MN1: variants seen among roughly 807,000 people sequenced by gnomAD.
The protein encoded by MN1 is MN1 proto-oncogene, transcriptional regulator, also known as transcriptional activator MN1.
A neutral mutation model predicts 86.9 loss-of-function variants in MN1; 19 were observed. The observed-to-expected ratio is 0.22, with a 90% CI of 0.15 to 0.32. The LOEUF is 0.32. Ranked by LOEUF, MN1 falls within the 10% of genes least tolerant of loss-of-function variation. The pLI is 1.00. For missense variants in MN1, 1,841 were observed against 1,862.0 expected (o/e 0.99, Z 0.21); for synonymous variants, 928 against 849.6 (o/e 1.09, Z -1.60).
Position 27,798,228 on chromosome 22 carries a change from GC to G in MN1, c.2315del (p.Gly772AlafsTer64). The stretch of plus-strand genomic sequence containing the variant: ...CACCGCCGCCACCAGAGCTGCCACC[GC>G]CCCCTCCCGCGCTGGGGGGCGAGTT... ...GVNSPPSAGG[G>X]GGSSGGGGGG... On this transcript the variant is annotated frameshift_variant, in exon 1 of 2. Transcript: ENST00000302326. LOFTEE classifies it high-confidence loss of function. 2 of 1,517,840 alleles carry G rather than the reference GC, an allele frequency of 1.3e-6. No individual in the cohort carries two copies. The highest frequency in any genetic ancestry group is 2.4e-5 in the East Asian group (1 of 41,940). 94.0% of individuals were successfully genotyped at this position (1,517,840 alleles called of 1,614,324 possible).
intron 1 of MN1, among the ~76,000 whole-genome samples, chr22:27,769,890 C>A (rs780353097): frequency 1.3e-5 from 2 of 151,974 alleles, no homozygotes; most frequent in Non-Finnish European, 2.9e-5. Flanking sequence ...TGCTATGTGG[C>A]CAGCCCCAAG....
chr22:27,749,716 T>G lies in MN1; in HGVS notation c.*1199A>C. ...TCAAAGTCATTTCATTCTATTCTCTTTCTCTGTCCTCTAGCCCTCAGGAGT... is the reference window on the plus strand; with the variant it reads ...TCAAAGTCATTTCATTCTATTCTCTGTCTCTGTCCTCTAGCCCTCAGGAGT... On this transcript the variant is annotated 3_prime_UTR_variant, in exon 2 of 2. Transcript: ENST00000302326. 3 of 231,284 alleles carry G rather than the reference T, an allele frequency of 1.3e-5. No homozygotes were observed. The highest frequency in any genetic ancestry group is 1.7e-5 in the Non-Finnish European group (2 of 116,772). 14.3% of individuals were successfully genotyped at this position (231,284 alleles called of 1,614,324 possible). A position where few individuals can be genotyped will look rare whatever the true frequency, so the allele number is the denominator to read the frequency against.
At chr22:27,770,708 G>C (rs1050589305) in intron 1 of MN1, among the ~76,000 whole-genome samples, 2 of 143,654 alleles carry the variant, frequency 1.4e-5, no homozygotes, top group Admixed American at 1.3e-4. Flanking sequence ...ACCCTGGCTG[G>C]AGAGCAGTGG....
chr22:27,784,269 C>G (rs1933091796), intron 1 of MN1, among the ~76,000 whole-genome samples: 1 of 152,228 alleles, frequency 6.6e-6, no homozygotes, highest in Non-Finnish European at 1.5e-5. Flanking sequence ...CCTGAGTGCA[C>G]ACGGCTCAGA....
chr22:27,771,840 C>G (rs1932919476), intron 1 of MN1, among the ~76,000 whole-genome samples: 1 of 152,194 alleles, frequency 6.6e-6, no homozygotes, highest in Admixed American at 6.5e-5. Flanking sequence ...AAAACTGAGG[C>G]TCGGAGAAAG....
chr22:27,768,853 T>G (rs145130536), intron 1 of MN1, among the ~76,000 whole-genome samples: 4 of 152,258 alleles, frequency 2.6e-5, no homozygotes, highest in Middle Eastern at 3.4e-3. Context: ...CATTCATGAC[T>G]AGCAATATTT....
At chr22:27,751,484 A>T (rs963771740) in intron 1 of MN1, among the ~76,000 whole-genome samples, 1 of 152,066 alleles carries the variant, frequency 6.6e-6, no homozygotes, top group East Asian at 1.9e-4. Context: ...GATGTGTAGG[A>T]GTTCGCCGCA....
intron 1 of MN1, among the ~76,000 whole-genome samples, chr22:27,789,336 C>T (rs1568979825): frequency 6.6e-6 from 1 of 152,206 alleles, no homozygotes; most frequent in Non-Finnish European, 1.5e-5. Context: ...CACCTTGCAT[C>T]TCCCAAACCA....
Position 27,750,624 on chromosome 22 carries a change from G to A in MN1, c.*291C>T, listed in dbSNP as rs1314427834. On this transcript the variant is annotated 3_prime_UTR_variant, in exon 2 of 2. Transcript: ENST00000302326. ...ACCGAAACATGGGGAGTATCTAGAG[G>A]AAAAAGGCTTAAGCAAAAGTTTGCT... 1 of 296,652 alleles carries A rather than the reference G, an allele frequency of 3.4e-6. No individual in the cohort carries two copies. Among genetic ancestry groups the A allele is most frequent in the Non-Finnish European group, 6.2e-6 (1 of 161,336 alleles). 18.4% of individuals were successfully genotyped at this position (296,652 alleles called of 1,614,324 possible). A position where few individuals can be genotyped will look rare whatever the true frequency, so the allele number is the denominator to read the frequency against.
At chr22:27,759,788 C>T (rs1932822678) in intron 1 of MN1, among the ~76,000 whole-genome samples, 1 of 152,234 alleles carries the variant, frequency 6.6e-6, no homozygotes, top group Non-Finnish European at 1.5e-5. Context: ...TCAGCTCTGT[C>T]ACCTTGCTTG....
chr22:27,788,619 CTTT>C (rs202009006), intron 1 of MN1, among the ~76,000 whole-genome samples: 3 of 142,992 alleles, frequency 2.1e-5, no homozygotes, highest in Non-Finnish European at 1.5e-5. Flanking sequence ...AGGGTCATAT[CTTT>C]TTTTTTTTTT....
At chr22:27,785,203 T>C (rs1455380148) in intron 1 of MN1, among the ~76,000 whole-genome samples, 1 of 152,208 alleles carries the variant, frequency 6.6e-6, no homozygotes, top group Non-Finnish European at 1.5e-5. Context: ...ATACTGCTAT[T>C]TTCCCATTAA....
rs45593336 is a variant in MN1 at position 27,780,422 on chromosome 22, T to TCCAGGGTGC, written c.3781+16332_3781+16340dup. Among the ~76,000 whole-genome samples, 606 of 152,306 alleles carry TCCAGGGTGC rather than the reference T, an allele frequency of 4.0e-3. 8 individuals carry two copies. Among genetic ancestry groups the TCCAGGGTGC allele is most frequent in the Middle Eastern group, 0.014 (4 of 294 alleles). On this transcript the variant is annotated intron_variant, in intron 1 of 1. Coordinates refer to ENST00000302326, the MANE Select transcript of MN1 (RefSeq NM_002430.3). ...TCCTGCAGAGCTTGATACAGCTGGC[T>TCCAGGGTGC]CCAGGGTGCCGGAGCCCATTGTTAA...
intron 1 of MN1, among the ~76,000 whole-genome samples, chr22:27,773,533 C>A (rs1297593): frequency 0.84 from 127,946 of 152,260 alleles, 54,259 homozygotes; most frequent in African/African-American, 0.96. Context: ...TCACCGCCTC[C>A]CTATGCCCAT....
chr22:27,750,799 C>A lies in MN1; in HGVS notation c.*116G>T. 1 of 869,452 alleles carries A rather than the reference C, an allele frequency of 1.2e-6. No individual in the cohort carries two copies. Among genetic ancestry groups the A allele is most frequent in the Non-Finnish European group, 1.7e-6 (1 of 600,726 alleles). The allele number at this position is 869,452 out of a possible 1,614,324, so 53.9% of individuals were successfully genotyped here. The stretch of plus-strand genomic sequence containing the variant: ...ACCTAGAGAAAAAAAAAAAACTCAT[C>A]CACTCAGCAATAGTGGCCCTTTCAA... On this transcript the variant is annotated 3_prime_UTR_variant, in exon 2 of 2. Coordinates refer to ENST00000302326, the MANE Select transcript of MN1 (RefSeq NM_002430.3).
intron 1 of MN1, among the ~76,000 whole-genome samples, chr22:27,774,461 C>T (rs2146303382): frequency 6.6e-6 from 1 of 152,334 alleles, no homozygotes; most frequent in Non-Finnish European, 1.5e-5. Context: ...GAGGTCCACC[C>T]CACGGGTCAG....
At position 27,799,986 on chromosome 22, in the gene MN1, C is replaced by T. The variant is rs765826942; in HGVS notation, c.558G>A (p.Val186=). The change falls in exon 1 of 2, where the codon GTG becomes GTA. Residue 186 remains valine, a synonymous_variant. Coordinates refer to ENST00000302326, the MANE Select transcript of MN1 (RefSeq NM_002430.3). The part of the protein sequence containing the change: ...FHSSGASSHA[V]PAPCLPLDQS... ...GGTCCAGCGGCAGGCATGGGGCCGG[C>T]ACGGCGTGGCTGGAGGCACCTGAAC... 1.9e-6 allele frequency: 3 copies of T among 1,603,220 alleles called. No individual in the cohort carries two copies. The highest frequency in any genetic ancestry group is 2.2e-5 in the South Asian group (2 of 90,606).
At chr22:27,778,427 G>A (rs930470004) in intron 1 of MN1, among the ~76,000 whole-genome samples, 14 of 152,174 alleles carry the variant, frequency 9.2e-5, no homozygotes, top group African/African-American at 3.4e-4. Context: ...CATCCCACAG[G>A]GGGACGCCCA....
intron 1 of MN1, among the ~76,000 whole-genome samples, chr22:27,782,974 G>A (rs988582407): frequency 2.0e-5 from 3 of 151,922 alleles, no homozygotes; most frequent in African/African-American, 7.3e-5. Flanking sequence ...GAATCAAAAC[G>A]CCAGGGCTGA....
Sources: allele counts gnomAD v4.1 joint callset (sites outside exome capture counted in the v4.1 genomes callset), GRCh38; gene constraint gnomAD v4.1.1; transcripts MANE v1.5; gene names NCBI Gene and HGNC (gene_info 2026-07-23, HGNC 2026-07-21).